Variants in MACROD2 observed in about 807,000 individuals in gnomAD.
MACROD2 encodes mono-ADP ribosylhydrolase 2.
Under a neutral mutation model 70.4 loss-of-function variants are expected in MACROD2, and 36 were observed. The observed-to-expected ratio is 0.51, with a 90% confidence interval of 0.39 to 0.68. The LOEUF (loss-of-function observed/expected upper bound fraction) is 0.68. Among genes scored for constraint, MACROD2 ranks in the 30% least tolerant of loss-of-function variants. The pLI, the probability that MACROD2 is intolerant of heterozygous loss-of-function variation, is 0.00. For synonymous variants in MACROD2, 172 were observed against 178.8 expected (o/e 0.96, Z 0.30); for missense variants, 496 against 538.4 (o/e 0.92, Z 0.78).
intron 15 of MACROD2, among the ~76,000 whole-genome samples, chr20:16,034,795 C>T (rs1271680121): frequency 6.6e-6 from 1 of 151,440 alleles, no homozygotes; most frequent in African/African-American, 2.4e-5. Context: ...ATATGTTGTC[C>T]TTTATCTCTT....
At chr20:13,997,127 C>T (rs7509383) in intron 1 of MACROD2, among the ~76,000 whole-genome samples, 26,628 of 151,710 alleles carry the variant, frequency 0.18, 2,556 homozygotes, top group South Asian at 0.23. Context: ...ATAATAGAAC[C>T]GAACAACACA....
At chr20:14,620,848 A>G (rs1188456418) in intron 4 of MACROD2, among the ~76,000 whole-genome samples, 1 of 152,084 alleles carries the variant, frequency 6.6e-6, no homozygotes, top group Non-Finnish European at 1.5e-5. Flanking sequence ...AGTTTATTAT[A>G]TACTTAGATA....
At chr20:14,855,836 A>T (rs2073250428) in intron 5 of MACROD2, among the ~76,000 whole-genome samples, 1 of 152,064 alleles carries the variant, frequency 6.6e-6, no homozygotes, top group South Asian at 2.1e-4. Context: ...TGACTAGATT[A>T]GTTGTAGGCA....
At chr20:15,470,084 C>G (rs2046944996) in intron 7 of MACROD2, among the ~76,000 whole-genome samples, 1 of 152,086 alleles carries the variant, frequency 6.6e-6, no homozygotes, top group South Asian at 2.1e-4. Flanking sequence ...GAGTCTTGCT[C>G]TGTCACCCAG....
At position 15,835,198 on chromosome 20, in the gene MACROD2, C is replaced by A. The variant is rs188495272; in HGVS notation, c.646-27547C>A. On this transcript the variant is annotated intron_variant, in intron 8 of 17. Transcript: ENST00000684519. Reference sequence around the variant, plus strand: ...TGTAGCCTCAATATTTGACTAAAACCTGTTAGCCAAGCCATTTCCAAATTC... The same window carrying A: ...TGTAGCCTCAATATTTGACTAAAACATGTTAGCCAAGCCATTTCCAAATTC... 1.2e-3 allele frequency among the ~76,000 whole-genome samples: 177 copies of A among 152,254 alleles called. 8 individuals carry two copies. Among genetic ancestry groups the A allele is most frequent in the Admixed American group, 0.012 (177 of 15,280 alleles).
chr20:15,442,746 A>C (rs1030753212), intron 7 of MACROD2, among the ~76,000 whole-genome samples: 2 of 151,844 alleles, frequency 1.3e-5, no homozygotes, highest in African/African-American at 2.4e-5. Context: ...CCCAAAGAGA[A>C]AAGAAAAACA....
chr20:14,243,431 C>T (rs1315781142), intron 3 of MACROD2, among the ~76,000 whole-genome samples: 1 of 152,144 alleles, frequency 6.6e-6, no homozygotes, highest in Non-Finnish European at 1.5e-5. Flanking sequence ...TCTGCCTAAA[C>T]TATGTCAGTA....
At chr20:15,552,195 G>A (rs1325214453) in intron 8 of MACROD2, 1 of 152,162 alleles carries the variant, frequency 6.6e-6, no homozygotes, top group African/African-American at 2.4e-5. Flanking sequence ...GCCAGAAGTA[G>A]CATCTGGGCC....
intron 3 of MACROD2, among the ~76,000 whole-genome samples, chr20:14,316,679 C>G (rs1378075888): frequency 6.6e-6 from 1 of 152,118 alleles, no homozygotes; most frequent in Non-Finnish European, 1.5e-5. Context: ...AGATTGAACA[C>G]CCCTGATGAA....
At chr20:14,303,358 C>T (rs2082492884) in intron 3 of MACROD2, among the ~76,000 whole-genome samples, 1 of 152,138 alleles carries the variant, frequency 6.6e-6, no homozygotes, top group Non-Finnish European at 1.5e-5. Context: ...CCCCAGAGAG[C>T]TTGTTTTCTG....
At chr20:14,450,415 G>T (rs1443482166) in intron 3 of MACROD2, among the ~76,000 whole-genome samples, 3 of 152,086 alleles carry the variant, frequency 2.0e-5, no homozygotes, top group Non-Finnish European at 4.4e-5. Flanking sequence ...TATTAATGAG[G>T]AGAGAGAAAA....
intron 8 of MACROD2, among the ~76,000 whole-genome samples, chr20:15,543,288 A>T (rs1217974830): frequency 6.6e-6 from 1 of 152,188 alleles, no homozygotes; most frequent in Non-Finnish European, 1.5e-5. Flanking sequence ...TCATCTGTTC[A>T]AGAGGAATGG....
At chr20:15,475,660 C>T (rs558280783) in intron 7 of MACROD2, among the ~76,000 whole-genome samples, 36 of 152,354 alleles carry the variant, frequency 2.4e-4, no homozygotes, top group African/African-American at 7.0e-4. Context: ...CTGCCACACA[C>T]GTGCCAAGGG....
intron 7 of MACROD2, among the ~76,000 whole-genome samples, chr20:15,466,644 A>C (rs1297717375): frequency 6.6e-6 from 1 of 152,180 alleles, no homozygotes; most frequent in Non-Finnish European, 1.5e-5. Flanking sequence ...TTTCTCTCTA[A>C]CATACTTCCT....
At chr20:14,907,492 G>A (rs566343282) in intron 5 of MACROD2, among the ~76,000 whole-genome samples, 30 of 152,322 alleles carry the variant, frequency 2.0e-4, no homozygotes, top group Admixed American at 1.8e-3. Context: ...CTCAGTATGT[G>A]GTCCAGGAGG....
chr20:14,061,434 TTCTAA>T lies in MACROD2; in HGVS notation c.164-24185_164-24181del, dbSNP rs200801379. 7.7e-3 allele frequency among the ~76,000 whole-genome samples: 1,168 copies of T among 152,272 alleles called. 12 individuals carry two copies. Among genetic ancestry groups the T allele is most frequent in the African/African-American group, 0.026 (1,086 of 41,574 alleles). ...AATGTTTCTCCTTCAGGACTGGTGC[TTCTAA>T]TACAGGTTGGTGGTTGTGCATATAT... is the stretch of plus-strand genomic sequence containing the variant. On this transcript the variant is annotated intron_variant, in intron 2 of 17. Transcript: ENST00000684519.
At chr20:14,322,549 A>C (rs2082673979) in intron 3 of MACROD2, among the ~76,000 whole-genome samples, 1 of 152,084 alleles carries the variant, frequency 6.6e-6, no homozygotes, top group African/African-American at 2.4e-5. Context: ...CTTCAGAAAC[A>C]TTCCTTATGT....
At chr20:14,193,128 A>G (rs2081401768) in intron 3 of MACROD2, among the ~76,000 whole-genome samples, 1 of 152,208 alleles carries the variant, frequency 6.6e-6, no homozygotes, top group Non-Finnish European at 1.5e-5. Context: ...CTTTTTGGCC[A>G]TCACACAGAA....
chr20:15,227,394 G>A (rs748892547), intron 5 of MACROD2, among the ~76,000 whole-genome samples: 10 of 137,114 alleles, frequency 7.3e-5, no homozygotes, highest in Non-Finnish European at 7.8e-5. Context: ...TTCCTCCCTC[G>A]CCCCCGTTAA....
Sources: gnomAD v4.1 joint callset for allele counts (sites outside exome capture counted in the v4.1 genomes callset) on GRCh38, gnomAD v4.1.1 for gene constraint, MANE v1.5 for transcripts, NCBI Gene and HGNC (gene_info 2026-07-23, HGNC 2026-07-21) for gene names.